FSTL5: variants seen among roughly 807,000 people sequenced by gnomAD.
FSTL5 encodes follistatin-related protein 5.
A neutral mutation model predicts 89.1 loss-of-function variants in FSTL5; 62 were observed. The ratio of observed to expected loss-of-function variants is 0.70; its 90% CI spans 0.57 to 0.86. FSTL5 has a LOEUF of 0.86. FSTL5 is among the 40% of genes least tolerant of loss of function. The pLI is 0.00. For missense variants in FSTL5, 1,057 were observed against 1,001.6 expected, an observed-to-expected ratio of 1.06 and a Z score of -0.75; for synonymous variants, 383 against 346.2, an observed-to-expected ratio of 1.11 and a Z score of -1.18.
intron 7 of FSTL5, among the ~76,000 whole-genome samples, chr4:161,631,743 T>A (rs1735513365): frequency 6.6e-6 from 1 of 152,210 alleles, no homozygotes; most frequent in Non-Finnish European, 1.5e-5. Context: ...GACACACAAA[T>A]TACTACAAAA....
At chr4:161,508,971 A>G (rs994126826) in intron 11 of FSTL5, among the ~76,000 whole-genome samples, 5 of 152,224 alleles carry the variant, frequency 3.3e-5, no homozygotes, top group Non-Finnish European at 4.4e-5. Context: ...ATCAATTTTT[A>G]AAATGCTCAG....
chr4:161,430,190 C>T (rs752677286), intron 15 of FSTL5, among the ~76,000 whole-genome samples: 6 of 150,014 alleles, frequency 4.0e-5, no homozygotes, highest in Non-Finnish European at 7.4e-5. Context: ...TGAAAATACA[C>T]AGAGGAGCAA....
intron 8 of FSTL5, among the ~76,000 whole-genome samples, chr4:161,585,417 A>C (rs1160973524): frequency 1.3e-5 from 2 of 152,130 alleles, no homozygotes; most frequent in African/African-American, 4.8e-5. Flanking sequence ...TGCACTTGTG[A>C]TCTTTTCTTT....
chr4:162,107,614 T>G (rs1194125568), intron 2 of FSTL5, among the ~76,000 whole-genome samples: 1 of 152,132 alleles, frequency 6.6e-6, no homozygotes, highest in African/African-American at 2.4e-5. Context: ...AAATGAGGAC[T>G]GCAACAACCA....
In FSTL5 at chr4:161,785,889, G is replaced by A. The variant is rs937633256; in HGVS notation, c.410-9815C>T. Among the ~76,000 whole-genome samples, 5 of 151,978 alleles carry A rather than the reference G, an allele frequency of 3.3e-5. No individual in the cohort carries two copies. In the East Asian group the frequency reaches 9.7e-4, roughly 29 times the overall value. Reference sequence around the variant, plus strand: ...ATGTATCTGTCAAGAGTTTACATATGCCTTGCCTCAATATCTCAGTCATGC... The same window carrying A: ...ATGTATCTGTCAAGAGTTTACATATACCTTGCCTCAATATCTCAGTCATGC... On this transcript the variant is annotated intron_variant, in intron 4 of 15. Coordinates refer to ENST00000306100, the MANE Select transcript of FSTL5 (RefSeq NM_020116.5).
chr4:161,914,398 A>T (rs1733783371), intron 4 of FSTL5, among the ~76,000 whole-genome samples: 1 of 152,302 alleles, frequency 6.6e-6, no homozygotes, highest in African/African-American at 2.4e-5. Context: ...AATTTGACAG[A>T]AATTAAATGC....
At chr4:161,590,348 G>A (rs371450110) in intron 7 of FSTL5, among the ~76,000 whole-genome samples, 52 of 152,168 alleles carry the variant, frequency 3.4e-4, no homozygotes, top group Middle Eastern at 6.8e-3. Context: ...AGACCAGCCC[G>A]GCCAACATGA....
At chr4:161,743,493 C>T (rs1259826547) in intron 6 of FSTL5, among the ~76,000 whole-genome samples, 4 of 152,030 alleles carry the variant, frequency 2.6e-5, no homozygotes, top group Non-Finnish European at 5.9e-5. Flanking sequence ...TCCCCTCCAT[C>T]TTTGCTTTTC....
At chr4:161,853,233 G>A (rs1048302477) in intron 4 of FSTL5, among the ~76,000 whole-genome samples, 1 of 152,164 alleles carries the variant, frequency 6.6e-6, no homozygotes, top group Non-Finnish European at 1.5e-5. Context: ...TGTAGATCAT[G>A]TAGATTAATA....
At position 161,948,107 on chromosome 4, in the gene FSTL5, T is replaced by A. The variant is rs115361868; in HGVS notation, c.161-27455A>T. Among the ~76,000 whole-genome samples the A allele has an allele frequency of 5.7e-3, 861 of 150,616 alleles. 5 individuals carry two copies. Among genetic ancestry groups the A allele is most frequent in the Non-Finnish European group, 9.6e-3 (652 of 67,656 alleles). On this transcript the variant is annotated intron_variant, in intron 3 of 15. Coordinates refer to ENST00000306100, the MANE Select transcript of FSTL5 (RefSeq NM_020116.5). ...GCCTGGACAACATAGCAAGACCCTG[T>A]CTCTACAGAAAATTTAAAAAAAAAA...
chr4:162,011,246 C>T (rs1328424225), intron 3 of FSTL5, among the ~76,000 whole-genome samples: 1 of 152,036 alleles, frequency 6.6e-6, no homozygotes, highest in Non-Finnish European at 1.5e-5. Flanking sequence ...ATCGTCAAAC[C>T]ATTAAGTTTT....
intron 3 of FSTL5, among the ~76,000 whole-genome samples, chr4:162,018,990 T>C (rs1736994846): frequency 6.6e-6 from 1 of 152,138 alleles, no homozygotes; most frequent in African/African-American, 2.4e-5. Context: ...ATTATCTTAA[T>C]AAAATACTTA....
At chr4:161,611,787 A>T (rs1474132648) in intron 7 of FSTL5, among the ~76,000 whole-genome samples, 3 of 152,238 alleles carry the variant, frequency 2.0e-5, no homozygotes, top group Non-Finnish European at 4.4e-5. Context: ...TAACAGAAAT[A>T]GAAATGTTGA....
chr4:161,834,211 A>G (rs1579126757), intron 4 of FSTL5, among the ~76,000 whole-genome samples: 1 of 152,222 alleles, frequency 6.6e-6, no homozygotes, highest in Non-Finnish European at 1.5e-5. Context: ...CCACATGATT[A>G]TCTCAATAGA....
In FSTL5 at chr4:161,675,786, G is replaced by A. The variant is rs112825212; in HGVS notation, c.728-19292C>T. Among the ~76,000 whole-genome samples, 368 of 151,818 alleles carry A rather than the reference G, an allele frequency of 2.4e-3. 3 individuals are homozygous for A. The highest frequency in any genetic ancestry group is 8.5e-3 in the African/African-American group (351 of 41,442). On this transcript the variant is annotated intron_variant, in intron 6 of 15. Coordinates refer to ENST00000306100, the MANE Select transcript of FSTL5 (RefSeq NM_020116.5). Reference sequence around the variant, plus strand: ...ATAATATAATTTATGCTAATGAGACGCTATCTGATAGAAATTTTCTAAAAA... The same window carrying A: ...ATAATATAATTTATGCTAATGAGACACTATCTGATAGAAATTTTCTAAAAA...
chr4:161,440,473 A>G (rs1732723729), intron 15 of FSTL5, among the ~76,000 whole-genome samples: 1 of 152,128 alleles, frequency 6.6e-6, no homozygotes, highest in African/African-American at 2.4e-5. Flanking sequence ...ACAGATAAGC[A>G]AAAAAGTCCC....
chr4:162,136,654 A>G (rs567194549), intron 1 of FSTL5, among the ~76,000 whole-genome samples: 14 of 152,240 alleles, frequency 9.2e-5, no homozygotes, highest in African/African-American at 3.4e-4. Context: ...AAAAGGAAGT[A>G]ATTCAGTTTA....
chr4:161,618,955 G>A (rs1190075893), intron 7 of FSTL5, among the ~76,000 whole-genome samples: 5 of 152,340 alleles, frequency 3.3e-5, no homozygotes, highest in South Asian at 4.1e-4. Context: ...TAAGGCTACA[G>A]TAACCAAAAC....
At chr4:161,806,663 T>G (rs1382080064) in intron 4 of FSTL5, among the ~76,000 whole-genome samples, 1 of 152,044 alleles carries the variant, frequency 6.6e-6, no homozygotes, top group East Asian at 1.9e-4. Context: ...AATTAGGAAA[T>G]AAATTATGCT....
Sources: allele counts gnomAD v4.1 joint callset (sites outside exome capture counted in the v4.1 genomes callset), GRCh38; gene constraint gnomAD v4.1.1; transcripts MANE v1.5; gene names NCBI Gene and HGNC (gene_info 2026-07-23, HGNC 2026-07-21).